KCNN3: variants seen among roughly 807,000 people sequenced by gnomAD.
The protein encoded by KCNN3 is potassium calcium-activated channel subfamily N member 3.
Under a neutral mutation model 62.9 loss-of-function variants are expected in KCNN3, and 16 were observed. That is an observed-to-expected ratio of 0.25 (90% confidence interval 0.17 to 0.39). KCNN3 has a LOEUF of 0.39. Among genes scored for constraint, KCNN3 ranks in the 10% least tolerant of loss-of-function variants. The pLI, the probability that KCNN3 is intolerant of heterozygous loss-of-function variation, is 1.00. For synonymous variants in KCNN3, 370 were observed against 389.2 expected (o/e 0.95, Z 0.58); for missense variants, 599 against 949.4 (o/e 0.63, Z 4.85).
At chr1:154,839,648 C>T (rs900968279) in intron 1 of KCNN3, among the ~76,000 whole-genome samples, 6 of 152,194 alleles carry the variant, frequency 3.9e-5, no homozygotes, top group African/African-American at 1.4e-4. Flanking sequence ...CTCAGACCCC[C>T]GCTCAGCTCT....
intron 1 of KCNN3, among the ~76,000 whole-genome samples, chr1:154,844,777 G>A (rs972427238): frequency 5.3e-5 from 8 of 152,202 alleles, no homozygotes; most frequent in South Asian, 2.1e-4. Context: ...AGGCTGAGGC[G>A]GGTGGATCAC....
intron 2 of KCNN3, among the ~76,000 whole-genome samples, chr1:154,808,273 C>A (rs1415460662): frequency 2.6e-5 from 4 of 152,222 alleles, no homozygotes; most frequent in African/African-American, 7.2e-5. Context: ...TCTATTCTCA[C>A]CTTTCAACAT....
At chr1:154,712,954 A>G (rs1557937174) in intron 7 of KCNN3, among the ~76,000 whole-genome samples, 1 of 152,204 alleles carries the variant, frequency 6.6e-6, no homozygotes, top group Non-Finnish European at 1.5e-5. Context: ...TGAGAAGTAA[A>G]GAAATGCACC....
intron 1 of KCNN3, among the ~76,000 whole-genome samples, chr1:154,834,070 C>T (rs561646329): frequency 2.6e-5 from 4 of 152,282 alleles, no homozygotes; most frequent in African/African-American, 4.8e-5. Flanking sequence ...ATGTGATGGA[C>T]GATGTTGATA....
At position 154,869,396 on chromosome 1, in the gene KCNN3, C is replaced by T; in HGVS notation, c.569G>A (p.Arg190His). The stretch of plus-strand genomic sequence containing the variant: ...GAGGTTCCTCCGGGAGGCGCTGAGG[C>T]GGCTGAGGGGCTTCATGACCCCACC... ...YSGGVMKPLSRLSASRRNLIE... is the reference protein window; with the variant it reads ...YSGGVMKPLSHLSASRRNLIE... The change falls in exon 1 of 8, where the codon CGC becomes CAC. Residue 190 changes from arginine to histidine, a missense_variant. Around this residue, in one of 7 missense-constraint regions of KCNN3, gnomAD observed 112 missense variants for 142.9 expected, o/e 0.78. Transcript: ENST00000271915. The surrounding 1 kb of genome is among the most constrained non-coding windows in gnomAD (Gnocchi z 6.1). 1 of 1,613,966 alleles carries T rather than the reference C, an allele frequency of 6.2e-7. No homozygotes were observed. The highest frequency in any genetic ancestry group is 1.1e-5 in the South Asian group (1 of 91,070).
Position 154,862,316 on chromosome 1 carries a change from G to A in KCNN3, c.933+6716C>T, listed in dbSNP as rs1178611706. The stretch of plus-strand genomic sequence containing the variant: ...GGGCCAGCCACCGTGAGGGTCATGA[G>A]GGACCCAGGGGTGAAAATGCCTTGT... On this transcript the variant is annotated intron_variant, in intron 1 of 7. Transcript: ENST00000271915. The surrounding 1 kb of genome is among the most constrained non-coding windows in gnomAD (Gnocchi z 4.1). Among the ~76,000 whole-genome samples, 2 of 152,178 alleles carry A rather than the reference G, an allele frequency of 1.3e-5. No homozygotes were observed. The highest frequency in any genetic ancestry group is 2.4e-5 in the African/African-American group (1 of 41,452).
chr1:154,719,782 CCT>C (rs1219179701), intron 5 of KCNN3, among the ~76,000 whole-genome samples: 1 of 152,120 alleles, frequency 6.6e-6, no homozygotes, highest in African/African-American at 2.4e-5. Context: ...CCCCGGCTGC[CCT>C]CTCTTTCATC....
intron 6 of KCNN3, among the ~76,000 whole-genome samples, chr1:154,714,428 TGGTGTGTGGGGG>T (rs1194806695): frequency 1.6e-5 from 2 of 122,860 alleles, no homozygotes; most frequent in African/African-American, 3.0e-5. Context: ...GTGGGATGTG[TGGTGTGTGGGGG>T]GTGTGTGTGT....
chr1:154,759,064 T>C (rs952075053), intron 3 of KCNN3, among the ~76,000 whole-genome samples: 1 of 152,186 alleles, frequency 6.6e-6, no homozygotes, highest in African/African-American at 2.4e-5. Flanking sequence ...CACCTTGGCC[T>C]CCCAAAGTGC....
intron 1 of KCNN3, among the ~76,000 whole-genome samples, chr1:154,853,436 A>C (rs1231789590): frequency 6.6e-6 from 1 of 152,168 alleles, no homozygotes; most frequent in African/African-American, 2.4e-5. Flanking sequence ...CCTGGGCTCA[A>C]GCGATCCTCC....
chr1:154,805,353 C>A (rs1479608338), intron 2 of KCNN3, among the ~76,000 whole-genome samples: 1 of 152,188 alleles, frequency 6.6e-6, no homozygotes, highest in African/African-American at 2.4e-5. Flanking sequence ...CGCCTCTATT[C>A]AATGCCTCCC....
chr1:154,844,875 G>A (rs535814226), intron 1 of KCNN3, among the ~76,000 whole-genome samples: 176 of 152,160 alleles, frequency 1.2e-3, no homozygotes, highest in African/African-American at 4.1e-3. Flanking sequence ...GCATGGTGGC[G>A]GGCACCTGTA....
At chr1:154,755,375 G>T (rs1464736337) in intron 3 of KCNN3, among the ~76,000 whole-genome samples, 1 of 151,702 alleles carries the variant, frequency 6.6e-6, no homozygotes, top group Non-Finnish European at 1.5e-5. Flanking sequence ...GGGCTGAAGT[G>T]GGAAGATTGC....
intron 2 of KCNN3, among the ~76,000 whole-genome samples, chr1:154,814,352 G>T (rs1231322889): frequency 6.6e-6 from 1 of 152,246 alleles, no homozygotes; most frequent in African/African-American, 2.4e-5. Context: ...GGGTCCAACA[G>T]TGAAACCAAT....
At chr1:154,737,580 C>G (rs1355623193) in intron 3 of KCNN3, among the ~76,000 whole-genome samples, 1 of 151,800 alleles carries the variant, frequency 6.6e-6, no homozygotes, top group African/African-American at 2.4e-5. Context: ...CAAATACAGA[C>G]CATTCACAGA....
At chr1:154,735,540 G>A (rs897231244) in intron 3 of KCNN3, among the ~76,000 whole-genome samples, 4 of 152,170 alleles carry the variant, frequency 2.6e-5, no homozygotes, top group African/African-American at 4.8e-5. Flanking sequence ...GGCTGGCTGC[G>A]TGGGCCTCAT....
chr1:154,840,992 C>T (rs1405203028), intron 1 of KCNN3, among the ~76,000 whole-genome samples: 1 of 151,910 alleles, frequency 6.6e-6, no homozygotes, highest in African/African-American at 2.4e-5. Flanking sequence ...CCCAAAGCCA[C>T]CAGGTGGAGA....
At chr1:154,852,833 C>G (rs1652359350) in intron 1 of KCNN3, among the ~76,000 whole-genome samples, 1 of 152,190 alleles carries the variant, frequency 6.6e-6, no homozygotes, top group Non-Finnish European at 1.5e-5. Flanking sequence ...GTCCACCGGA[C>G]AGTGCTGTCT....
intron 4 of KCNN3, among the ~76,000 whole-genome samples, chr1:154,729,484 C>T (rs1370388770): frequency 6.6e-6 from 1 of 152,084 alleles, no homozygotes; most frequent in Non-Finnish European, 1.5e-5. Context: ...GACCGAGACT[C>T]CTCCACACCA....
Sources: allele counts gnomAD v4.1 joint callset (sites outside exome capture counted in the v4.1 genomes callset), GRCh38; gene constraint gnomAD v4.1.1; regional missense constraint gnomAD v4.1.1; non-coding constraint Gnocchi (gnomAD v3.1); transcripts MANE v1.5; gene names NCBI Gene and HGNC (gene_info 2026-07-23, HGNC 2026-07-21).